Variants in TANC1 observed in about 807,000 individuals in gnomAD.
TANC1 encodes tetratricopeptide repeat, ankyrin repeat and coiled-coil containing 1.
A neutral mutation model predicts 149.7 loss-of-function variants in TANC1; 77 were observed. That is an observed-to-expected ratio of 0.51 (90% CI 0.43 to 0.62). TANC1 has a LOEUF of 0.62. Ranked by LOEUF, TANC1 falls within the 20% of genes least tolerant of loss-of-function variation. The pLI, the probability that TANC1 is intolerant of heterozygous loss-of-function variation, is 0.00. For missense variants in TANC1, 1,985 were observed against 2,321.8 expected, an observed-to-expected ratio of 0.85 and a Z score of 2.98; for synonymous variants, 854 against 925.0, an observed-to-expected ratio of 0.92 and a Z score of 1.39.
intron 22 of TANC1, among the ~76,000 whole-genome samples, chr2:159,220,650 T>C (rs1015350354): frequency 6.6e-6 from 1 of 151,964 alleles, no homozygotes. Flanking sequence ...CAGGCTGGAG[T>C]GCAGTGGTGT....
chr2:159,149,449 G>A, intron 6 of TANC1, 177 bp downstream of exon 6: 1 of 813,430 alleles, frequency 1.2e-6, no homozygotes, highest in Non-Finnish European at 2.0e-6. Flanking sequence ...TGGGGAGGTA[G>A]GGAAAAGCAG....
chr2:159,225,470 CT>C, intron 23 of TANC1: 1 of 586,328 alleles, frequency 1.7e-6, no homozygotes, highest in Non-Finnish European at 3.0e-6. Flanking sequence ...TTTCTCATTA[CT>C]TTTTTCAGTA....
At position 159,143,949 on chromosome 2, in the gene TANC1, G is replaced by A. The variant is rs559499503; in HGVS notation, c.365-5193G>A. On this transcript the variant is annotated intron_variant, in intron 5 of 26. Transcript: ENST00000263635. ...TAACATTAAAATGAACTAACATACA[G>A]TTTAAAAATTCTTAGTTTTAATATC... Among the ~76,000 whole-genome samples the A allele has an allele frequency of 4.2e-4, 64 of 151,290 alleles. No homozygotes were observed. In the South Asian group the frequency reaches 0.013, roughly 30 times the overall value.
Position 159,229,585 on chromosome 2 carries a change from G to A in TANC1, c.4159G>A (p.Val1387Met), listed in dbSNP as rs539614156. ...TTACATTTTCCTACAAAGGCAATTC[G>A]TGGCAGCTCTGGCTGACCTGCAAGA... ...ARAKRNSRQF[V>M]AALADLQEAV... Residue 1387 changes from valine (V) to methionine (M), a missense_variant, in exon 27 of 27, where the codon GTG becomes ATG. Physicochemically the swap from Val to Met is conservative, Grantham distance 21. Around this residue, in one of 3 missense-constraint regions of TANC1, gnomAD observed 920 missense variants for 994.7 expected, o/e 0.92. Transcript: ENST00000263635. 1.6e-5 allele frequency: 26 copies of A among 1,611,142 alleles called. No individual in the cohort carries two copies. The highest frequency in any genetic ancestry group is 1.2e-4 in the South Asian group (11 of 90,900).
chr2:159,063,057 C>T (rs1464963065), intron 2 of TANC1, among the ~76,000 whole-genome samples: 1 of 150,540 alleles, frequency 6.6e-6, no homozygotes, highest in African/African-American at 2.4e-5. Context: ...AATTTATTCT[C>T]AGAATTGTCT....
chr2:159,112,577 G>A (rs190315366), intron 4 of TANC1, among the ~76,000 whole-genome samples: 5 of 87,752 alleles, frequency 5.7e-5, no homozygotes, highest in Non-Finnish European at 9.2e-5. Context: ...TTTTTTTCTC[G>A]TTTTCCTAAG....
intron 8 of TANC1, among the ~76,000 whole-genome samples, chr2:159,166,768 C>G (rs564763473): frequency 6.6e-6 from 1 of 152,348 alleles, no homozygotes; most frequent in East Asian, 1.9e-4. Context: ...TCTTCCTGCC[C>G]TATTCACTGG....
intron 4 of TANC1, among the ~76,000 whole-genome samples, chr2:159,132,172 T>C (rs986764335): frequency 1.2e-4 from 18 of 152,362 alleles, no homozygotes; most frequent in African/African-American, 4.3e-4. Context: ...AACCTCAGTT[T>C]CCTGACCTAA....
chr2:159,192,601 CA>C (rs2057529880), intron 16 of TANC1, among the ~76,000 whole-genome samples: 1 of 152,120 alleles, frequency 6.6e-6, no homozygotes, highest in Non-Finnish European at 1.5e-5. Flanking sequence ...AATCAGAAAT[CA>C]GGGGGTGGGG....
chr2:159,003,875 G>C (rs1306135539), intron 2 of TANC1: 1 of 1,612,504 alleles, frequency 6.2e-7, no homozygotes, highest in African/African-American at 1.3e-5. Context: ...CAAACTTCAG[G>C]CTCAGGTCCA....
At position 159,163,276 on chromosome 2, in the gene TANC1, A is replaced by T. The variant is rs761129095; in HGVS notation, c.683-7A>T. ...CTCCTTCAAAGTATTTTGGTCTTTCATTTCAGCCACAATTACAAGTTCATC... is the reference window on the plus strand; with the variant it reads ...CTCCTTCAAAGTATTTTGGTCTTTCTTTTCAGCCACAATTACAAGTTCATC... On this transcript the variant is annotated splice_region_variant and splice_polypyrimidine_tract_variant and intron_variant, in intron 7 of 26. Transcript: ENST00000263635. The T allele has an allele frequency of 1.2e-5, 20 of 1,610,978 alleles. No individual in the cohort carries two copies. The Admixed American group carries it at 2.2e-4, about 18-fold the overall frequency.
chr2:159,220,499 T>C lies in TANC1; in HGVS notation c.3678+632T>C, dbSNP rs1012049337. 4.0e-5 allele frequency among the ~76,000 whole-genome samples: 6 copies of C among 151,818 alleles called. No individual in the cohort carries two copies. In the East Asian group the frequency reaches 1.2e-3, roughly 30 times the overall value. ...TTGTATTTTTAGTAGAGACAGGGTT[T>C]CACCATGTTGGCCAGGCTGGTCTTG... On this transcript the variant is annotated intron_variant, in intron 22 of 26. Transcript: ENST00000263635.
intron 19 of TANC1, among the ~76,000 whole-genome samples, chr2:159,211,133 A>G (rs1012639572): frequency 3.3e-5 from 5 of 152,184 alleles, no homozygotes; most frequent in Admixed American, 6.5e-5. Flanking sequence ...AGCCTCCCAA[A>G]GTGCTGGGAT....
intron 19 of TANC1, among the ~76,000 whole-genome samples, chr2:159,207,235 G>A (rs1426500158): frequency 6.6e-6 from 1 of 152,230 alleles, no homozygotes; most frequent in Non-Finnish European, 1.5e-5. Flanking sequence ...GAATTAGAGG[G>A]GAACACAATC....
Position 159,121,841 on chromosome 2 carries a change from A to G in TANC1, c.260-14353A>G, listed in dbSNP as rs1023450080. ...GTCAAGAGTGTACACAGCTATGGAA[A>G]GATACTGTCGGAGGGTCTGCTTTAC... On this transcript the variant is annotated intron_variant, in intron 4 of 26. Coordinates refer to ENST00000263635, the MANE Select transcript of TANC1 (RefSeq NM_033394.3). Among the ~76,000 whole-genome samples, 15 of 152,368 alleles carry G rather than the reference A, an allele frequency of 9.8e-5. No individual in the cohort carries two copies. In the East Asian group the frequency reaches 2.5e-3, roughly 25 times the overall value.
At chr2:159,167,583 G>A (rs535599068) in intron 8 of TANC1, among the ~76,000 whole-genome samples, 3 of 152,346 alleles carry the variant, frequency 2.0e-5, no homozygotes, top group Admixed American at 6.5e-5. Context: ...ACTTAAATGT[G>A]TATACACTGT....
intron 17 of TANC1, among the ~76,000 whole-genome samples, chr2:159,196,022 G>A (rs543297772): frequency 2.6e-5 from 4 of 152,322 alleles, no homozygotes; most frequent in South Asian, 2.1e-4. Flanking sequence ...TGCCTAGCTG[G>A]CCTGCCCTGA....
intron 2 of TANC1, among the ~76,000 whole-genome samples, chr2:159,034,157 T>C (rs2039999628): frequency 6.6e-6 from 1 of 152,216 alleles, no homozygotes; most frequent in Non-Finnish European, 1.5e-5. Flanking sequence ...GCAGCCGGAC[T>C]CAATGCAGAT....
At chr2:159,159,092 T>C (rs952438166) in intron 7 of TANC1, among the ~76,000 whole-genome samples, 7 of 152,216 alleles carry the variant, frequency 4.6e-5, no homozygotes, top group Non-Finnish European at 8.8e-5. Context: ...AAACTACCTA[T>C]AGGGCCCTGG....
Sources: gnomAD v4.1 joint callset for allele counts (sites outside exome capture counted in the v4.1 genomes callset) on GRCh38, gnomAD v4.1.1 for gene constraint, gnomAD v4.1.1 regional missense constraint, MANE v1.5 for transcripts, NCBI Gene and HGNC (gene_info 2026-07-23, HGNC 2026-07-21) for gene names.